Variants in DTNA observed in about 807,000 individuals in gnomAD.
DTNA encodes dystrobrevin alpha.
Under a neutral mutation model 100.7 loss-of-function variants are expected in DTNA, and 43 were observed. The ratio of observed to expected loss-of-function variants is 0.43; its 90% CI spans 0.33 to 0.55. DTNA has a LOEUF of 0.55. Ranked by LOEUF, DTNA falls within the 20% of genes least tolerant of loss-of-function variation. DTNA has a pLI of 0.04. For synonymous variants in DTNA, 349 were observed against 347.9 expected, an observed-to-expected ratio of 1.00 and a Z score of -0.04; for missense variants, 798 against 953.9, an observed-to-expected ratio of 0.84 and a Z score of 2.15.
intron 1 of DTNA, among the ~76,000 whole-genome samples, chr18:34,630,147 A>T (rs773098332): frequency 2.0e-5 from 3 of 152,086 alleles, no homozygotes; most frequent in Non-Finnish European, 2.9e-5. Context: ...AGAAGCCAGT[A>T]CATTTTTTTT....
In DTNA at chr18:34,604,389, T is replaced by C. The variant is rs187358555; in HGVS notation, c.-2+110875T>C. ...ATAAATTCTTAGCACACATTTTTTT[T>C]CCTTTAATTAATTTTGGCTTATATT... On this transcript the variant is annotated intron_variant, in intron 1 of 19. Transcript: ENST00000283365. Among the ~76,000 whole-genome samples, 38 of 152,302 alleles carry C rather than the reference T, an allele frequency of 2.5e-4. No individual in the cohort carries two copies. In the East Asian group the frequency reaches 7.1e-3, roughly 29 times the overall value.
In DTNA at chr18:34,848,353, G is replaced by A. The variant is rs144776465; in HGVS notation, c.1404G>A (p.Ala468=). 420 of 1,613,880 alleles carry A rather than the reference G, an allele frequency of 2.6e-4. 2 individuals are homozygous for A. Among genetic ancestry groups the A allele is most frequent in the Middle Eastern group, 4.9e-4 (3 of 6,084 alleles). The change falls in exon 14 of 23, where the codon GCG becomes GCA. Residue 468 remains alanine, a synonymous_variant. Transcript: ENST00000444659. ...DEEHRLIARY[A]ARLAAESSSS... ...AACACAGGCTAATTGCCAGGTATGC[G>A]GCAAGGCTGGCAGCAGAGTCCTCTT...
chr18:34,589,732 A>G (rs2049504345), intron 1 of DTNA, among the ~76,000 whole-genome samples: 1 of 152,208 alleles, frequency 6.6e-6, no homozygotes. Flanking sequence ...GCTTAACTAT[A>G]TAACTCTCTT....
chr18:34,552,335 C>T (rs546369537), intron 1 of DTNA, among the ~76,000 whole-genome samples: 8 of 151,814 alleles, frequency 5.3e-5, no homozygotes, highest in Non-Finnish European at 5.9e-5. Context: ...TATGTCATCA[C>T]GGGCCCAGTT....
chr18:34,659,615 TACAC>T (rs1351355287), intron 1 of DTNA, among the ~76,000 whole-genome samples: 2 of 148,614 alleles, frequency 1.3e-5, no homozygotes, highest in African/African-American at 2.5e-5. Flanking sequence ...CACGTACACA[TACAC>T]ACAGACACAC....
At position 34,862,142 on chromosome 18, in the gene DTNA, A is replaced by G. The variant is rs531028649; in HGVS notation, c.1647-1824A>G. Among the ~76,000 whole-genome samples the G allele has an allele frequency of 2.7e-3, 390 of 146,544 alleles. 2 individuals carry two copies. The highest frequency in any genetic ancestry group is 9.6e-3 in the Admixed American group (144 of 14,924). On this transcript the variant is annotated intron_variant, in intron 16 of 22. Transcript: ENST00000444659. ...ACAAGGTCAAAAAAAAAAAAAAAAAAAGAGAAAGAGAAAGAACACCTCCTG... is the reference window on the plus strand; with the variant it reads ...ACAAGGTCAAAAAAAAAAAAAAAAAGAGAGAAAGAGAAAGAACACCTCCTG...
chr18:34,594,614 T>C (rs559883738), intron 1 of DTNA, among the ~76,000 whole-genome samples: 1 of 152,332 alleles, frequency 6.6e-6, no homozygotes, highest in South Asian at 2.1e-4. Context: ...AATGAAGGGC[T>C]TCTTATGGAT....
At chr18:34,869,903 C>T (rs1172526184) in intron 17 of DTNA, among the ~76,000 whole-genome samples, 3 of 152,286 alleles carry the variant, frequency 2.0e-5, no homozygotes, top group Admixed American at 6.5e-5. Context: ...CGCCTGTAGT[C>T]CCAGCTACTC....
At chr18:34,599,762 C>T (rs920092745) in intron 1 of DTNA, among the ~76,000 whole-genome samples, 1 of 152,174 alleles carries the variant, frequency 6.6e-6, no homozygotes, top group Non-Finnish European at 1.5e-5. Flanking sequence ...ACTGCAGCCT[C>T]TACCTCCTGG....
At chr18:34,770,768 C>CAAG (rs1362165478) in intron 3 of DTNA, among the ~76,000 whole-genome samples, 2 of 146,650 alleles carry the variant, frequency 1.4e-5, no homozygotes, top group Non-Finnish European at 3.0e-5. Flanking sequence ...TGCATACTCC[C>CAAG]AAGAAGAATT....
intron 13 of DTNA, among the ~76,000 whole-genome samples, chr18:34,845,086 G>C (rs1020609138): frequency 6.6e-6 from 1 of 152,136 alleles, no homozygotes; most frequent in Non-Finnish European, 1.5e-5. Context: ...GTTGGAATTG[G>C]TATTTATTTT....
chr18:34,651,405 A>G (rs986192354), intron 1 of DTNA, among the ~76,000 whole-genome samples: 1 of 152,170 alleles, frequency 6.6e-6, no homozygotes, highest in African/African-American at 2.4e-5. Flanking sequence ...TGATTTTATA[A>G]TATTTTAATG....
At chr18:34,762,225 G>GA (rs1187621764) in intron 2 of DTNA, among the ~76,000 whole-genome samples, 1 of 152,184 alleles carries the variant, frequency 6.6e-6, no homozygotes, top group Non-Finnish European at 1.5e-5. Context: ...TGCTAGATCA[G>GA]AAAAATACCA....
intron 1 of DTNA, among the ~76,000 whole-genome samples, chr18:34,620,397 A>G (rs1486218499): frequency 1.3e-5 from 2 of 152,248 alleles, no homozygotes; most frequent in Non-Finnish European, 1.5e-5. Context: ...ATACACAGAA[A>G]ATAGAAGATG....
rs899372433 is a variant in DTNA, at chr18:34,770,003, G to C, written c.148+3962G>C. Among the ~76,000 whole-genome samples the C allele has an allele frequency of 3.9e-5, 6 of 152,120 alleles. No homozygotes were observed. The East Asian group carries it at 5.8e-4, about 15-fold the overall frequency. On this transcript the variant is annotated intron_variant, in intron 3 of 22. Coordinates refer to ENST00000444659, the MANE Select transcript of DTNA (RefSeq NM_001386795.1). ...CCCAAAGTGCTAGGATTACAGGTGT[G>C]AGCCACAACGCCTGGCCTGGGGCCT... is the stretch of plus-strand genomic sequence containing the variant.
At chr18:34,885,632 A>AT (rs1416382142) in intron 22 of DTNA, among the ~76,000 whole-genome samples, 1 of 152,236 alleles carries the variant, frequency 6.6e-6, no homozygotes, top group African/African-American at 2.4e-5. Context: ...AGAGGCTGGT[A>AT]TTATGTATCA....
chr18:34,688,788 G>A (rs570979151), intron 1 of DTNA, among the ~76,000 whole-genome samples: 2 of 152,180 alleles, frequency 1.3e-5, no homozygotes, highest in East Asian at 1.9e-4. Context: ...CCAATCAAAC[G>A]TAGATTTTGT....
intron 9 of DTNA, among the ~76,000 whole-genome samples, chr18:34,823,196 T>C (rs117985121): frequency 0.02 from 2,982 of 152,264 alleles, 35 homozygotes; most frequent in Non-Finnish European, 0.03. Flanking sequence ...CATAGGCACA[T>C]CAAGGCCATT....
intron 1 of DTNA, among the ~76,000 whole-genome samples, chr18:34,579,814 T>TG (rs1454282463): frequency 2.0e-5 from 3 of 152,202 alleles, no homozygotes; most frequent in African/African-American, 4.8e-5. Context: ...TTTTCTTGCT[T>TG]GGGTTTTACT....
Sources: allele counts gnomAD v4.1 joint callset (sites outside exome capture counted in the v4.1 genomes callset), GRCh38; gene constraint gnomAD v4.1.1; transcripts MANE v1.5; gene names NCBI Gene and HGNC (gene_info 2026-07-23, HGNC 2026-07-21).